The following MICALL2 variants were observed in gnomAD, a reference collection of about 807,000 sequenced individuals.
MICALL2 encodes MICAL like 2, also known as MICAL-like protein 2.
In MICALL2, 111 loss-of-function variants were observed where a neutral mutation model predicts 91.1. The observed-to-expected ratio is 1.22, with a 90% CI of 1.04 to 1.43. MICALL2 has a LOEUF of 1.43. Among genes scored for constraint, MICALL2 ranks in the 40% most tolerant of loss-of-function variants. The pLI is 0.00. For missense variants in MICALL2, 1,556 were observed against 1,236.0 expected, an observed-to-expected ratio of 1.26 and a Z score of -3.88; for synonymous variants, 694 against 525.3, an observed-to-expected ratio of 1.32 and a Z score of -4.39.
chr7:1,446,014 T>A (rs1278897763), intron 5 of MICALL2, among the ~76,000 whole-genome samples: 2 of 146,530 alleles, frequency 1.4e-5, no homozygotes, highest in Non-Finnish European at 3.0e-5. Flanking sequence ...CGGGAGGGCA[T>A]CTTGACGGGG....
At chr7:1,446,961 G>A (rs371129565) in intron 4 of MICALL2, 133 bp from the exon 5 acceptor site, 2 of 663,020 alleles carry the variant, frequency 3.0e-6, no homozygotes, top group Non-Finnish European at 5.1e-6. Context: ...CAGCAGGGCT[G>A]CGGTCGGGGT....
At chr7:1,439,852 G>C in intron 9 of MICALL2, 73 bp downstream of exon 9, 1 of 1,310,724 alleles carries the variant, frequency 7.6e-7, no homozygotes, top group Non-Finnish European at 9.9e-7. Context: ...TACAGGTCCA[G>C]TCCCGGGGCC....
intron 4 of MICALL2, among the ~76,000 whole-genome samples, chr7:1,447,231 T>G (rs1780639491): frequency 6.6e-6 from 1 of 152,094 alleles, no homozygotes; most frequent in African/African-American, 2.4e-5. Context: ...TTCTGAGAAG[T>G]GGGGGTGCCT....
In MICALL2 at chr7:1,451,835, T is replaced by A. The variant is rs1780841844; in HGVS notation, c.144-1547A>T. Among the ~76,000 whole-genome samples, 1 of 152,190 alleles carries A rather than the reference T, an allele frequency of 6.6e-6. No individual in the cohort carries two copies. The highest frequency in any genetic ancestry group is 1.5e-5 in the Non-Finnish European group (1 of 68,028). On this transcript the variant is annotated intron_variant, in intron 1 of 16. Transcript: ENST00000297508. The surrounding 1 kb of genome is among the most constrained non-coding windows in gnomAD (Gnocchi z 4.5). ...CCGAGACCCCTGTGGCCACGCAGCC[T>A]GGGCGGCCTAGTTCTGAGCCCAGCC... is the stretch of plus-strand genomic sequence containing the variant.
At chr7:1,443,190 T>C (rs1447164832) in intron 6 of MICALL2, among the ~76,000 whole-genome samples, 5 of 140,408 alleles carry the variant, frequency 3.6e-5, no homozygotes, top group African/African-American at 1.3e-4. Context: ...CAGCCACACA[T>C]GCCCCCCGCC....
intron 1 of MICALL2, among the ~76,000 whole-genome samples, chr7:1,456,694 C>T (rs1288285502): frequency 2.0e-5 from 3 of 152,106 alleles, no homozygotes; most frequent in Non-Finnish European, 4.4e-5. Flanking sequence ...TTGCTTGAGT[C>T]CAGGTGTTCA....
intron 7 of MICALL2, chr7:1,441,793 G>A (rs565084693): frequency 6.5e-5 from 16 of 246,638 alleles, no homozygotes; most frequent in East Asian, 3.8e-4. Flanking sequence ...ACAGCGCGAC[G>A]TTGTCAAAGC....
In MICALL2 at chr7:1,436,804, C is replaced by G; in HGVS notation, c.2529G>C (p.Gln843His). Residue 843 changes from glutamine to histidine, a missense_variant, in exon 15 of 17, where the codon CAG becomes CAC. Physicochemically the swap from Gln to His is conservative, Grantham distance 24 (BLOSUM62 0). Transcript: ENST00000297508. Reference protein sequence around the residue: ...ERRREQELLEQYVSTVNDRSD... With the variant: ...ERRREQELLEHYVSTVNDRSD... Reference sequence around the variant, plus strand: ...TGCGGTCGTTCACGGTGCTCACGTACTGCTCCAGCAGCTCCTGCTCCCGCC... The same window carrying G: ...TGCGGTCGTTCACGGTGCTCACGTAGTGCTCCAGCAGCTCCTGCTCCCGCC... 1.9e-6 allele frequency: 3 copies of G among 1,608,160 alleles called. No homozygotes were observed. The highest frequency in any genetic ancestry group is 2.5e-6 in the Non-Finnish European group (3 of 1,178,436).
intron 16 of MICALL2, 120 bp downstream of exon 16, chr7:1,434,981 A>ACCCCCCCCCCCCCCCC: frequency 8.1e-6 from 3 of 372,302 alleles, no homozygotes; most frequent in East Asian, 6.1e-5. Context: ...GGGACCCGAT[A>ACCCCCCCCCCCCCCCC]CCCGCCCCCC....
At chr7:1,439,592 AAT>A (rs968591813) in intron 9 of MICALL2, 3 of 263,584 alleles carry the variant, frequency 1.1e-5, no homozygotes, top group African/African-American at 2.6e-5. Context: ...TGTACACATG[AAT>A]ACACATGCAT....
rs1779905015 is a variant in MICALL2, at chr7:1,435,156, G to A, written c.2592-9C>T. ...GATCCTCCTCTTGTTCCCTGAAACGGGACCAGATGGCCATGAGCGACAATG... is the reference window on the plus strand; with the variant it reads ...GATCCTCCTCTTGTTCCCTGAAACGAGACCAGATGGCCATGAGCGACAATG... On this transcript the variant is annotated splice_polypyrimidine_tract_variant and intron_variant, in intron 15 of 16. Coordinates refer to ENST00000297508, the MANE Select transcript of MICALL2 (RefSeq NM_182924.4). 1 of 1,613,442 alleles carries A rather than the reference G, an allele frequency of 6.2e-7. No homozygotes were observed.
At chr7:1,450,165 C>T in intron 2 of MICALL2, 75 bp downstream of exon 2, 1 of 1,220,264 alleles carries the variant, frequency 8.2e-7, no homozygotes, top group Non-Finnish European at 1.2e-6. Flanking sequence ...GGGGGAGTCC[C>T]TCGGTCCCTC....
chr7:1,450,873 G>A (rs747645134), intron 1 of MICALL2, among the ~76,000 whole-genome samples: 1 of 152,196 alleles, frequency 6.6e-6, no homozygotes, highest in Non-Finnish European at 1.5e-5. Flanking sequence ...GCAGTGAAGG[G>A]TGTCCTTCTC....
intron 15 of MICALL2, 93 bp downstream of exon 15, chr7:1,436,649 A>C (rs1779979265): frequency 1.1e-6 from 1 of 893,818 alleles, no homozygotes; most frequent in East Asian, 2.8e-5. Flanking sequence ...GCCTGGTCAG[A>C]AAGTTCTACG....
chr7:1,444,002 C>T (rs1780437290), intron 6 of MICALL2, among the ~76,000 whole-genome samples: 1 of 151,986 alleles, frequency 6.6e-6, no homozygotes, highest in Admixed American at 6.5e-5. Flanking sequence ...TCAGCCCAGC[C>T]AGCGTGGGTC....
chr7:1,450,338 A>T, intron 1 of MICALL2, 50 bp from the exon 2 acceptor site: 1 of 1,491,858 alleles, frequency 6.7e-7, no homozygotes, highest in South Asian at 1.1e-5. Context: ...CCACGAAGGG[A>T]GGGGCTGGAG....
chr7:1,452,328 C>G lies in MICALL2; in HGVS notation c.144-2040G>C, dbSNP rs920321688. On this transcript the variant is annotated intron_variant, in intron 1 of 16. Transcript: ENST00000297508. The surrounding 1 kb of genome is among the most constrained non-coding windows in gnomAD (Gnocchi z 6.2). Reference sequence around the variant, plus strand: ...GGGCTTGTCCCCCGAGAGGGTGTGACCCGAGGGCACGTGGGTGGCTGTCTA... The same window carrying G: ...GGGCTTGTCCCCCGAGAGGGTGTGAGCCGAGGGCACGTGGGTGGCTGTCTA... Among the ~76,000 whole-genome samples, 4 of 152,088 alleles carry G rather than the reference C, an allele frequency of 2.6e-5. No individual in the cohort carries two copies. The highest frequency in any genetic ancestry group is 9.7e-5 in the African/African-American group (4 of 41,406).
intron 2 of MICALL2, among the ~76,000 whole-genome samples, chr7:1,449,739 G>C (rs1422001297): frequency 6.6e-6 from 1 of 152,240 alleles, no homozygotes; most frequent in African/African-American, 2.4e-5. Flanking sequence ...CTGCCCACGA[G>C]GGAGCGTGGT....
rs151320299 is a variant in MICALL2 at position 1,438,921 on chromosome 7, G to A, written c.2041C>T (p.Arg681Trp). 3.6e-5 allele frequency: 58 copies of A among 1,608,386 alleles called. No individual in the cohort carries two copies. The highest frequency in any genetic ancestry group is 3.2e-4 in the African/African-American group (24 of 75,016). The change falls in exon 10 of 17, where the codon CGG (arginine) becomes TGG (tryptophan). Residue 681 changes from arginine to tryptophan, a missense_variant. Transcript: ENST00000297508. Reference protein sequence around the residue: ...ASLDVCDNWLRPEPPGQEARV... With the variant: ...ASLDVCDNWLWPEPPGQEARV... ...GCTTCCTGGCCAGGGGGCTCCGGCC[G>A]AAGCCAGTTGTCACAAACGTCGAGG...
Sources: gnomAD v4.1 joint callset for allele counts (sites outside exome capture counted in the v4.1 genomes callset) on GRCh38, gnomAD v4.1.1 for gene constraint, Gnocchi (gnomAD v3.1) non-coding constraint, MANE v1.5 for transcripts, NCBI Gene and HGNC (gene_info 2026-07-23, HGNC 2026-07-21) for gene names.